Variants in NECAB2 observed in about 807,000 individuals in gnomAD.
The protein encoded by NECAB2 is N-terminal EF-hand calcium binding protein 2, also known as N-terminal EF-hand calcium-binding protein 2.
A neutral mutation model predicts 51.9 loss-of-function variants in NECAB2; 68 were observed. That is an observed-to-expected ratio of 1.31 (90% CI 1.08 to 1.60). The LOEUF (loss-of-function observed/expected upper bound fraction) is 1.60, where lower values mean the gene tolerates loss of function less well. Ranked by LOEUF, NECAB2 falls within the 40% of genes most tolerant of loss-of-function variation. The probability of loss-of-function intolerance (pLI) is 0.00; values close to 1 mark genes in which losing one functional copy is unlikely to be tolerated. For missense variants in NECAB2, 854 were observed against 490.3 expected, an observed-to-expected ratio of 1.74 and a Z score of -7.00; for synonymous variants, 329 against 203.5, an observed-to-expected ratio of 1.62 and a Z score of -5.25.
intron 6 of NECAB2, among the ~76,000 whole-genome samples, chr16:83,993,098 C>G (rs2084647280): frequency 6.6e-6 from 1 of 152,102 alleles, no homozygotes; most frequent in African/African-American, 2.4e-5. Flanking sequence ...ATGCCCCTCC[C>G]TCGAACTTCC....
chr16:83,997,265 A>C lies in NECAB2; in HGVS notation c.845A>C (p.Asn282Thr), dbSNP rs1386851177. The change falls in exon 9 of 13, where the codon AAC becomes ACC. Residue 282 changes from asparagine (N) to threonine (T), a missense_variant. Coordinates refer to ENST00000305202, the MANE Select transcript of NECAB2 (RefSeq NM_019065.3). ...CGCCTGTCAGATGAAGATGGCACCA[A>C]CATGGTGAGGCCCCTTCCCACCTCT... ...QQRLSDEDGT[N>T]MHLQLVRQEM... is the part of the protein sequence containing the mutation. 2.4e-5 allele frequency: 38 copies of C among 1,613,948 alleles called. No homozygotes were observed. The highest frequency in any genetic ancestry group is 2.7e-5 in the Non-Finnish European group (32 of 1,179,996).
intron 11 of NECAB2, 78 bp from the exon 12 acceptor site, chr16:84,001,747 G>T: frequency 1.3e-6 from 2 of 1,509,812 alleles, no homozygotes; most frequent in South Asian, 1.1e-5. Flanking sequence ...TTTTGGGCTA[G>T]AGCTAGGATT....
chr16:83,971,808 C>T (rs947378818), intron 1 of NECAB2: 1 of 466,664 alleles, frequency 2.1e-6, no homozygotes. Flanking sequence ...TTGTGTGCAG[C>T]TGAGCGTTTG....
At chr16:83,985,934 G>T (rs994870605) in intron 5 of NECAB2, among the ~76,000 whole-genome samples, 1 of 152,150 alleles carries the variant, frequency 6.6e-6, no homozygotes, top group Non-Finnish European at 1.5e-5. Context: ...TATGAAATAC[G>T]TGCTGCTAAG....
At chr16:83,971,975 C>G (rs368643391) in intron 1 of NECAB2, 176 bp from the exon 2 acceptor site, 2 of 799,792 alleles carry the variant, frequency 2.5e-6, no homozygotes, top group Admixed American at 2.6e-5. Flanking sequence ...TGCAACATCC[C>G]TCATCAGTTC....
At chr16:83,973,450 C>T (rs563559382) in intron 2 of NECAB2, among the ~76,000 whole-genome samples, 15 of 152,306 alleles carry the variant, frequency 9.8e-5, no homozygotes, top group African/African-American at 3.6e-4. Flanking sequence ...TGACAGTGAC[C>T]ACTCCCAGGC....
rs148245337 is a variant in NECAB2, at chr16:84,001,861, C to G, written c.1077C>G (p.His359Gln). The change falls in exon 12 of 13, where the codon CAC (histidine) becomes CAG (glutamine). Residue 359 changes from histidine (H) to glutamine (Q), a missense_variant. Coordinates refer to ENST00000305202, the MANE Select transcript of NECAB2 (RefSeq NM_019065.3). ...LQSPLCKAFR[H>Q]VKVDTLSQPE... Reference sequence around the variant, plus strand: ...GCCCCCTGTGTAAGGCGTTCCGGCACGTCAAGGTGGACACACTGAGCCAGC... The same window carrying G: ...GCCCCCTGTGTAAGGCGTTCCGGCAGGTCAAGGTGGACACACTGAGCCAGC... The G allele has an allele frequency of 6.2e-7, 1 of 1,614,016 alleles. No individual in the cohort carries two copies. Among genetic ancestry groups the G allele is most frequent in the Middle Eastern group, 1.6e-4 (1 of 6,084 alleles).
rs1056929331 is a variant in NECAB2 at position 83,968,783 on chromosome 16, GGCCCCCGCC to G, written c.144_152del (p.Ala49_Ala51del). 26 of 1,112,018 alleles carry G rather than the reference GGCCCCCGCC, an allele frequency of 2.3e-5. No individual in the cohort carries two copies. In the East Asian group the frequency reaches 6.2e-4, roughly 26 times the overall value. The allele number at this position is 1,112,018 out of a possible 1,614,324, so 68.9% of individuals were successfully genotyped here. On this transcript the variant is annotated inframe_deletion, in exon 1 of 13. Transcript: ENST00000305202. ...GGATGGGCGAGCCCCGGGAGTCGCT[GGCCCCCGCC>G]GCCCCCGCGGACCCCGGCCCAGCCT...
chr16:83,997,787 C>G (rs2084736281), intron 9 of NECAB2, among the ~76,000 whole-genome samples: 1 of 152,150 alleles, frequency 6.6e-6, no homozygotes, highest in African/African-American at 2.4e-5. Context: ...GCCACCACAC[C>G]TGGCCCAGAG....
rs753728601 is a variant in NECAB2 at position 83,981,136 on chromosome 16, G to T, written c.459+9G>T. The T allele has an allele frequency of 1.2e-6, 2 of 1,606,258 alleles. No individual in the cohort carries two copies. Among genetic ancestry groups the T allele is most frequent in the African/African-American group, 1.4e-5 (1 of 70,170 alleles). ...TGGGTTATACCAAGAAGGTCAGTGG[G>T]TGTAGGTGGCCCCCGGGGTCCAGGG... On this transcript the variant is annotated intron_variant, in intron 5 of 12. Coordinates refer to ENST00000305202, the MANE Select transcript of NECAB2 (RefSeq NM_019065.3).
intron 3 of NECAB2, among the ~76,000 whole-genome samples, chr16:83,980,557 C>T (rs2084473163): frequency 6.6e-6 from 1 of 152,104 alleles, no homozygotes; most frequent in Non-Finnish European, 1.5e-5. Context: ...TTTCCTGGCC[C>T]CCAGCTTGGC....
chr16:83,965,393 G>A (rs112157467), upstream of NECAB2: 8 of 1,574,536 alleles, frequency 5.1e-6, no homozygotes, highest in African/African-American at 1.1e-4. Context: ...TGCCCTGGAG[G>A]CCGCCACAAG....
chr16:83,997,479 C>CTT (rs11296947), intron 9 of NECAB2, among the ~76,000 whole-genome samples: 9,517 of 53,410 alleles, frequency 0.18, 2,115 homozygotes, highest in Non-Finnish European at 0.23. Flanking sequence ...CTCCCTGGAC[C>CTT]TTTTTTTTTT....
Position 84,001,625 on chromosome 16 carries a change from G to T in NECAB2, c.1041-200G>T, listed in dbSNP as rs555892809. 9.3e-4 allele frequency among the ~76,000 whole-genome samples: 142 copies of T among 152,190 alleles called. 5 individuals are homozygous for T. Among genetic ancestry groups the T allele is most frequent in the Non-Finnish European group, 6.6e-4 (45 of 67,982 alleles). Reference sequence around the variant, plus strand: ...CCGCTGCCCATTTATAGCTCACAGGGAAAAAGAGAAGCTCACTGCCCACCC... The same window carrying T: ...CCGCTGCCCATTTATAGCTCACAGGTAAAAAGAGAAGCTCACTGCCCACCC... On this transcript the variant is annotated intron_variant, in intron 11 of 12. Transcript: ENST00000305202.
chr16:83,980,196 C>T (rs1281801539), intron 3 of NECAB2, among the ~76,000 whole-genome samples: 2 of 152,218 alleles, frequency 1.3e-5, no homozygotes, highest in Non-Finnish European at 2.9e-5. Flanking sequence ...CCATCTCTAG[C>T]CAGTCCCAGA....
At chr16:83,998,813 G>C (rs1162021589) in intron 10 of NECAB2, among the ~76,000 whole-genome samples, 1 of 127,936 alleles carries the variant, frequency 7.8e-6, no homozygotes, top group African/African-American at 3.8e-5. Context: ...TCCCCCTGAT[G>C]TGCTGAGATG....
At chr16:83,983,591 AT>A (rs929851725) in intron 5 of NECAB2, among the ~76,000 whole-genome samples, 6 of 152,128 alleles carry the variant, frequency 3.9e-5, no homozygotes, top group Non-Finnish European at 5.9e-5. Context: ...TGATCATATG[AT>A]TTTTTTCCCC....
intron 1 of NECAB2, chr16:83,971,699 C>T (rs542056776): frequency 1.6e-3 from 307 of 190,824 alleles, no homozygotes; most frequent in South Asian, 0.012. Context: ...ACACCTCTGT[C>T]GGACTTTGCC....
intron 2 of NECAB2, among the ~76,000 whole-genome samples, chr16:83,973,743 C>T (rs1273428283): frequency 2.0e-5 from 3 of 151,556 alleles, no homozygotes; most frequent in Non-Finnish European, 2.9e-5. Context: ...AGTAGGTCCT[C>T]GGTAAATGTC....
Sources: gnomAD v4.1 joint callset for allele counts (sites outside exome capture counted in the v4.1 genomes callset) on GRCh38, gnomAD v4.1.1 for gene constraint, MANE v1.5 for transcripts, NCBI Gene and HGNC (gene_info 2026-07-23, HGNC 2026-07-21) for gene names.